ROBO2: variants seen among roughly 807,000 people sequenced by gnomAD.
ROBO2 encodes roundabout homolog 2.
In ROBO2, 53 loss-of-function variants were observed where a neutral mutation model predicts 160.8. The ratio of observed to expected loss-of-function variants is 0.33; its 90% CI spans 0.26 to 0.41. The LOEUF (loss-of-function observed/expected upper bound fraction) is 0.41. ROBO2 is among the 10% of genes least tolerant of loss of function. ROBO2 has a pLI of 1.00. For missense variants in ROBO2, 1,577 were observed against 1,722.4 expected (o/e 0.92, Z 1.49); for synonymous variants, 664 against 611.7 (o/e 1.09, Z -1.26).
Position 76,452,420 on chromosome 3 carries a change from C to G in ROBO2, c.109+514818C>G, listed in dbSNP as rs527348795. Among the ~76,000 whole-genome samples, 39 of 152,048 alleles carry G rather than the reference C, an allele frequency of 2.6e-4. No individual in the cohort carries two copies. The East Asian group carries it at 6.8e-3, about 26-fold the overall frequency. Reference sequence around the variant, plus strand: ...ATTCCCAGCTATAAGTGAGAACATGCGGTGTTTGTTTTTTTGTCCTTGCAA... The same window carrying G: ...ATTCCCAGCTATAAGTGAGAACATGGGGTGTTTGTTTTTTTGTCCTTGCAA... On this transcript the variant is annotated intron_variant, in intron 2 of 26. Coordinates refer to the ROBO2 transcript ENST00000487694.
rs373371736 is a variant in ROBO2 at position 77,644,909 on chromosome 3, G to C, written c.4135+5G>C. On this transcript the variant is annotated splice_donor_5th_base_variant and intron_variant, in intron 25 of 25. Transcript: ENST00000461745. ...GACAGTTTACAGGTGAATTATGTAA[G>C]TGCTTAGGTCATTTAAAAGGCTATC... The C allele has an allele frequency of 6.5e-5, 105 of 1,613,276 alleles. No homozygotes were observed. Among genetic ancestry groups the C allele is most frequent in the Non-Finnish European group, 8.2e-5 (97 of 1,179,352 alleles).
At chr3:77,399,628 T>C (rs948405391) in intron 2 of ROBO2, among the ~76,000 whole-genome samples, 8 of 152,184 alleles carry the variant, frequency 5.3e-5, no homozygotes, top group African/African-American at 1.9e-4. Flanking sequence ...TAGAAGTAAA[T>C]TGATTTAATT....
chr3:77,246,595 C>G (rs1304810707), intron 2 of ROBO2, among the ~76,000 whole-genome samples: 1 of 151,256 alleles, frequency 6.6e-6, no homozygotes, highest in Non-Finnish European at 1.5e-5. Context: ...GTTAAACGTG[C>G]TCTACACTTC....
intron 2 of ROBO2, among the ~76,000 whole-genome samples, chr3:77,315,766 A>T (rs995087487): frequency 6.6e-6 from 1 of 152,342 alleles, no homozygotes; most frequent in South Asian, 2.1e-4. Context: ...GACATTCAAC[A>T]AAGAAAGCTG....
intron 2 of ROBO2, among the ~76,000 whole-genome samples, chr3:76,472,318 A>G (rs566976935): frequency 1.1e-3 from 162 of 152,260 alleles, no homozygotes; most frequent in African/African-American, 3.8e-3. Flanking sequence ...TCAATAGCTT[A>G]TGAGTTTTTA....
chr3:77,212,808 C>T (rs1464396538), intron 2 of ROBO2, among the ~76,000 whole-genome samples: 1 of 152,130 alleles, frequency 6.6e-6, no homozygotes, highest in African/African-American at 2.4e-5. Context: ...TTGTCAAAGG[C>T]CTTTTCTGCA....
At chr3:77,536,915 A>G (rs1055284549) in intron 6 of ROBO2, among the ~76,000 whole-genome samples, 1 of 152,168 alleles carries the variant, frequency 6.6e-6, no homozygotes, top group South Asian at 2.1e-4. Flanking sequence ...TATGAGATCT[A>G]AAAATGCAAG....
intron 21 of ROBO2, among the ~76,000 whole-genome samples, chr3:77,609,189 A>G (rs2094579932): frequency 6.6e-6 from 1 of 152,016 alleles, no homozygotes; most frequent in Non-Finnish European, 1.5e-5. Context: ...CTTATTATAT[A>G]TGCATATATT....
intron 4 of ROBO2, among the ~76,000 whole-genome samples, chr3:77,485,603 T>C (rs2085258388): frequency 6.6e-6 from 1 of 152,192 alleles, no homozygotes; most frequent in South Asian, 2.1e-4. Context: ...AAATGTTTAA[T>C]TTTTTTAAAT....
intron 2 of ROBO2, among the ~76,000 whole-genome samples, chr3:77,271,893 G>A (rs2059515414): frequency 6.6e-6 from 1 of 152,114 alleles, no homozygotes; most frequent in South Asian, 2.1e-4. Context: ...GAGGGTTCGC[G>A]TGCTATTTTT....
exon 9 of ROBO2, chr3:77,558,036 A>C (rs760823029): frequency 6.2e-7 from 1 of 1,613,272 alleles, no homozygotes; most frequent in Non-Finnish European, 8.5e-7. Flanking sequence ...ATGTAAAGCC[A>C]CTGGTGATCC....
intron 2 of ROBO2, among the ~76,000 whole-genome samples, chr3:76,329,231 T>C (rs755210356): frequency 1.1e-4 from 16 of 152,048 alleles, no homozygotes; most frequent in Non-Finnish European, 2.1e-4. Context: ...TGTTGTTTTG[T>C]TTTTTGAGAT....
intron 2 of ROBO2, among the ~76,000 whole-genome samples, chr3:76,266,732 C>G (rs1158479944): frequency 6.6e-6 from 1 of 152,086 alleles, no homozygotes; most frequent in Non-Finnish European, 1.5e-5. Context: ...ATGCTGCCAT[C>G]TGAGTTATCT....
At chr3:77,226,842 G>A (rs551772785) in intron 2 of ROBO2, among the ~76,000 whole-genome samples, 5 of 152,174 alleles carry the variant, frequency 3.3e-5, no homozygotes, top group East Asian at 1.9e-4. Flanking sequence ...AAACCAGAAC[G>A]GTTGTACAGG....
chr3:76,676,227 G>A (rs1035659023), intron 2 of ROBO2, among the ~76,000 whole-genome samples: 9 of 151,822 alleles, frequency 5.9e-5, no homozygotes, highest in Admixed American at 2.6e-4. Flanking sequence ...GATTATGGAG[G>A]CGATTTCCCC....
chr3:76,274,693 C>G, intron 2 of ROBO2, among the ~76,000 whole-genome samples: 1 of 151,882 alleles, frequency 6.6e-6, no homozygotes, highest in Non-Finnish European at 1.5e-5. Context: ...AAAAAATTAG[C>G]CGGGCATGGT....
intron 2 of ROBO2, among the ~76,000 whole-genome samples, chr3:77,338,743 A>G (rs1407633433): frequency 6.6e-6 from 1 of 152,190 alleles, no homozygotes; most frequent in Non-Finnish European, 1.5e-5. Flanking sequence ...ATTTAGGTAT[A>G]GGTCAAGAAA....
At chr3:76,364,240 A>G (rs970552619) in intron 2 of ROBO2, among the ~76,000 whole-genome samples, 5 of 152,010 alleles carry the variant, frequency 3.3e-5, no homozygotes, top group Admixed American at 2.6e-4. Flanking sequence ...CTCCAGGAAT[A>G]CCTTCCCTGA....
At chr3:77,295,434 G>C (rs1173104978) in intron 2 of ROBO2, among the ~76,000 whole-genome samples, 1 of 149,692 alleles carries the variant, frequency 6.7e-6, no homozygotes, top group Non-Finnish European at 1.5e-5. Flanking sequence ...GGGAAGTTGA[G>C]GCTAGAACAG....
Sources: allele counts gnomAD v4.1 joint callset (sites outside exome capture counted in the v4.1 genomes callset), GRCh38; gene constraint gnomAD v4.1.1; transcripts MANE v1.5; gene names NCBI Gene and HGNC (gene_info 2026-07-23, HGNC 2026-07-21).